Variants in JARID2 observed in about 807,000 individuals in gnomAD.
The protein encoded by JARID2 is jumonji and AT-rich interaction domain containing 2, also known as protein Jumonji.
JARID2 carries 21 observed loss-of-function variants against 125.6 expected under a neutral mutation model. That is an observed-to-expected ratio of 0.17 (90% CI 0.12 to 0.24). JARID2 has a LOEUF of 0.24. Ranked by LOEUF, JARID2 falls within the 10% of genes least tolerant of loss-of-function variation. JARID2 has a pLI of 1.00. For synonymous variants in JARID2, 736 were observed against 661.6 expected (o/e 1.11, Z -1.73); for missense variants, 1,303 against 1,639.6 (o/e 0.79, Z 3.55).
chr6:15,502,545 G>A (rs537927941), intron 8 of JARID2, among the ~76,000 whole-genome samples: 6 of 152,318 alleles, frequency 3.9e-5, no homozygotes, highest in Non-Finnish European at 7.3e-5. Context: ...CTGCCTGACT[G>A]CAGGCTCTGG....
rs188204904 is a variant in JARID2, at chr6:15,512,073, C to T, written c.2953-135C>T. On this transcript the variant is annotated intron_variant, in intron 13 of 17. Coordinates refer to ENST00000341776, the MANE Select transcript of JARID2 (RefSeq NM_004973.4). The stretch of plus-strand genomic sequence containing the variant: ...AAGCTCCTTCTTGTGTTATGAATGA[C>T]GTCTTTTTATTTTCCACATAAAACA... The T allele has an allele frequency of 2.5e-4, 180 of 708,540 alleles. No individual in the cohort carries two copies. The African/African-American group carries it at 2.6e-3, about 10-fold the overall frequency. The allele number at this position is 708,540 out of a possible 1,614,324, so 43.9% of individuals were successfully genotyped here.
chr6:15,291,810 AGTT>A (rs1466640067), intron 1 of JARID2, among the ~76,000 whole-genome samples: 2 of 152,132 alleles, frequency 1.3e-5, no homozygotes, highest in Non-Finnish European at 2.9e-5. Flanking sequence ...ATTTTTTTAT[AGTT>A]GTTCTTTCCT....
At chr6:15,284,443 C>CCA (rs1760914670) in intron 1 of JARID2, among the ~76,000 whole-genome samples, 1 of 152,062 alleles carries the variant, frequency 6.6e-6, no homozygotes, top group Non-Finnish European at 1.5e-5. Context: ...GGGCTATACT[C>CCA]CAGAGTTCCC....
intron 1 of JARID2, among the ~76,000 whole-genome samples, chr6:15,284,211 A>G (rs1435052097): frequency 3.3e-5 from 5 of 152,108 alleles, no homozygotes; most frequent in East Asian, 1.9e-4. Context: ...GCACTCTCCC[A>G]TCACCCTACC....
chr6:15,394,424 C>T (rs889396511), intron 2 of JARID2, among the ~76,000 whole-genome samples: 10 of 152,264 alleles, frequency 6.6e-5, no homozygotes, highest in Non-Finnish European at 1.0e-4. Context: ...CTTGGCGAAA[C>T]ACCATCTTCA....
intron 1 of JARID2, among the ~76,000 whole-genome samples, chr6:15,353,514 GAAC>G (rs1763498110): frequency 6.6e-6 from 1 of 152,140 alleles, no homozygotes; most frequent in African/African-American, 2.4e-5. Flanking sequence ...GTCTCTTTCT[GAAC>G]AACAACAGCA....
chr6:15,465,001 T>G (rs1450773589), intron 4 of JARID2, among the ~76,000 whole-genome samples: 1 of 152,202 alleles, frequency 6.6e-6, no homozygotes, highest in Non-Finnish European at 1.5e-5. Context: ...GAATTGCCCT[T>G]ATTCCTCACT....
At chr6:15,345,032 TG>T (rs1441718466) in intron 1 of JARID2, among the ~76,000 whole-genome samples, 3 of 152,214 alleles carry the variant, frequency 2.0e-5, no homozygotes, top group Admixed American at 6.5e-5. Context: ...CAGTGTAATT[TG>T]TTTTTTTAAT....
In JARID2 at chr6:15,374,159, C is replaced by G; in HGVS notation, c.88C>G (p.Arg30Gly). ...TCCGTGGTCAGAAGAACGGGTGGTA[C>G]GTAAAGTCCTTTATTTGTCTCTGAA... is the stretch of plus-strand genomic sequence containing the variant. Reference protein sequence around the residue: ...GIPWSEERVVRKVLYLSLKEF... With the variant: ...GIPWSEERVVGKVLYLSLKEF... The change falls in exon 2 of 18, where the codon CGT becomes GGT. Residue 30 changes from arginine (R) to glycine (G), a missense_variant. Transcript: ENST00000341776. 6.2e-7 allele frequency: 1 copy of G among 1,613,972 alleles called. No individual in the cohort carries two copies. The highest frequency in any genetic ancestry group is 1.7e-5 in the Admixed American group (1 of 60,018).
Position 15,496,787 on chromosome 6 carries a change from C to G in JARID2, c.1562C>G (p.Ser521Cys), listed in dbSNP as rs866108564. Residue 521 changes from serine to cysteine, a missense_variant, in exon 7 of 18, where the codon TCC becomes TGC. Coordinates refer to ENST00000341776, the MANE Select transcript of JARID2 (RefSeq NM_004973.4). Reference protein sequence around the residue: ...RQAHGKADSASCENRSTSQPE... With the variant: ...RQAHGKADSACCENRSTSQPE... ...GCACATGGCAAGGCGGACAGCGCCT[C>G]CTGTGAAAATCGTTCTACCTCGCAA... 1 of 1,611,860 alleles carries G rather than the reference C, an allele frequency of 6.2e-7. No homozygotes were observed. The highest frequency in any genetic ancestry group is 1.3e-5 in the African/African-American group (1 of 75,042).
intron 1 of JARID2, among the ~76,000 whole-genome samples, chr6:15,265,634 C>G (rs1035183009): frequency 2.6e-5 from 4 of 152,110 alleles, no homozygotes; most frequent in Non-Finnish European, 4.4e-5. Flanking sequence ...CAGGAAAGCC[C>G]CATTGGACAG....
chr6:15,493,909 T>A lies in JARID2; in HGVS notation c.907-2223T>A, dbSNP rs535111651. Among the ~76,000 whole-genome samples the A allele has an allele frequency of 9.2e-5, 14 of 151,934 alleles. No homozygotes were observed. In the South Asian group the frequency reaches 2.7e-3, roughly 29 times the overall value. On this transcript the variant is annotated intron_variant, in intron 6 of 17. Transcript: ENST00000341776. ...TATAAATCTGTTTTAAATTTATCAT[T>A]GCCAGGTGCTTTTTTTCCTCTCCAA...
At chr6:15,263,263 A>G (rs1048727853) in intron 1 of JARID2, among the ~76,000 whole-genome samples, 4 of 152,014 alleles carry the variant, frequency 2.6e-5, no homozygotes, top group Non-Finnish European at 5.9e-5. Flanking sequence ...CAGTGGCTTG[A>G]TGGTGGGACT....
chr6:15,306,668 T>C (rs1054043230), intron 1 of JARID2, among the ~76,000 whole-genome samples: 6 of 151,936 alleles, frequency 3.9e-5, no homozygotes, highest in African/African-American at 4.8e-5. Flanking sequence ...AGGATCATAC[T>C]GTTTATTTAG....
At chr6:15,487,109 C>T (rs530360172) in intron 5 of JARID2, among the ~76,000 whole-genome samples, 198 bp from the exon 6 acceptor site, 6 of 152,180 alleles carry the variant, frequency 3.9e-5, no homozygotes, top group East Asian at 1.9e-4. Context: ...CTCATGAGAA[C>T]GCACTTGTTA....
intron 1 of JARID2, among the ~76,000 whole-genome samples, chr6:15,287,772 A>G (rs1761058674): frequency 6.6e-6 from 1 of 152,188 alleles, no homozygotes; most frequent in South Asian, 2.1e-4. Flanking sequence ...TGTCTAGGTT[A>G]GGAGCCCATG....
chr6:15,332,952 TTTTTTTGGAGAC>T (rs1762763307), intron 1 of JARID2, among the ~76,000 whole-genome samples: 1 of 134,916 alleles, frequency 7.4e-6, no homozygotes, highest in African/African-American at 2.9e-5. Context: ...TTTTTTTTTT[TTTTTTTGGAGAC>T]GGAGTCGCCC....
chr6:15,320,883 T>TGTG (rs773153042), intron 1 of JARID2, among the ~76,000 whole-genome samples: 1,548 of 151,146 alleles, frequency 0.01, 19 homozygotes, highest in South Asian at 0.029. Context: ...TGTGTGTGTG[T>TGTG]TAGTTAAACT....
At chr6:15,414,775 A>T (rs573980364) in intron 3 of JARID2, among the ~76,000 whole-genome samples, 1 of 151,434 alleles carries the variant, frequency 6.6e-6, no homozygotes, top group South Asian at 2.1e-4. Flanking sequence ...TTTTTTTTTT[A>T]AATGATATAT....
Sources: allele counts gnomAD v4.1 joint callset (sites outside exome capture counted in the v4.1 genomes callset), GRCh38; gene constraint gnomAD v4.1.1; transcripts MANE v1.5; gene names NCBI Gene and HGNC (gene_info 2026-07-23, HGNC 2026-07-21).